MACROD2: variants seen among roughly 807,000 people sequenced by gnomAD.
MACROD2 encodes mono-ADP ribosylhydrolase 2, also known as ADP-ribose glycohydrolase MACROD2.
A neutral mutation model predicts 70.4 loss-of-function variants in MACROD2; 36 were observed. The ratio of observed to expected loss-of-function variants is 0.51; its 90% CI spans 0.39 to 0.68. The LOEUF (loss-of-function observed/expected upper bound fraction) is 0.68, where lower values mean the gene tolerates loss of function less well. MACROD2 is among the 30% of genes least tolerant of loss of function. The pLI is 0.00. For synonymous variants in MACROD2, 172 were observed against 178.8 expected (o/e 0.96, Z 0.30); for missense variants, 496 against 538.4 (o/e 0.92, Z 0.78).
At chr20:15,182,140 C>T (rs1196142529) in intron 5 of MACROD2, among the ~76,000 whole-genome samples, 1 of 152,160 alleles carries the variant, frequency 6.6e-6, no homozygotes, top group African/African-American at 2.4e-5. Context: ...TAAAACTCTG[C>T]ATCCAATTTT....
intron 6 of MACROD2, among the ~76,000 whole-genome samples, chr20:15,430,480 G>C (rs2046350725): frequency 6.6e-6 from 1 of 151,994 alleles, no homozygotes; most frequent in African/African-American, 2.4e-5. Flanking sequence ...ACCAGAAAGA[G>C]TAAAACAGCT....
At chr20:15,232,906 T>G (rs1014801897) in intron 6 of MACROD2, among the ~76,000 whole-genome samples, 1 of 152,128 alleles carries the variant, frequency 6.6e-6, no homozygotes, top group Non-Finnish European at 1.5e-5. Context: ...TTTTAATGGA[T>G]GTAAGACAAG....
chr20:15,937,666 TTCCAA>T lies in MACROD2; in HGVS notation c.907+124_907+128del, dbSNP rs1315792665. On this transcript the variant is annotated intron_variant, in intron 12 of 17. Transcript: ENST00000684519. ...ACTAGGTTTTCTTAAGTGTCTCTGT[TTCCAA>T]TATAATTGACTACACCACCTACTCT... 3.2e-5 allele frequency: 26 copies of T among 814,974 alleles called. No homozygotes were observed. The East Asian group carries it at 4.8e-4, about 15-fold the overall frequency. 50.5% of individuals were successfully genotyped at this position (814,974 alleles called of 1,614,324 possible).
At chr20:14,098,692 A>G (rs1392439081) in intron 3 of MACROD2, among the ~76,000 whole-genome samples, 1 of 152,206 alleles carries the variant, frequency 6.6e-6, no homozygotes, top group Non-Finnish European at 1.5e-5. Context: ...AATAAGGCAT[A>G]TTTGAAGTTA....
chr20:14,320,613 A>C (rs2082650168), intron 3 of MACROD2, among the ~76,000 whole-genome samples: 1 of 151,508 alleles, frequency 6.6e-6, no homozygotes, highest in Non-Finnish European at 1.5e-5. Context: ...GCCTTTATCC[A>C]AACACCTCCT....
chr20:15,590,236 G>A (rs1437731410), intron 8 of MACROD2, among the ~76,000 whole-genome samples: 1 of 152,162 alleles, frequency 6.6e-6, no homozygotes, highest in Non-Finnish European at 1.5e-5. Flanking sequence ...ACGCCAGGTA[G>A]CATGCTAGAC....
intron 5 of MACROD2, among the ~76,000 whole-genome samples, chr20:15,086,200 CAG>C (rs1184926782): frequency 1.3e-5 from 2 of 152,094 alleles, no homozygotes; most frequent in Non-Finnish European, 2.9e-5. Context: ...TACTACAAGA[CAG>C]AATACAGTAA....
intron 5 of MACROD2, among the ~76,000 whole-genome samples, chr20:14,790,046 C>G (rs559163185): frequency 1.1e-4 from 17 of 152,046 alleles, no homozygotes; most frequent in African/African-American, 2.9e-4. Flanking sequence ...TGCAAACAAA[C>G]CTAAACAACA....
chr20:15,495,341 A>G (rs763055586), intron 7 of MACROD2, among the ~76,000 whole-genome samples: 1 of 152,176 alleles, frequency 6.6e-6, no homozygotes, highest in Non-Finnish European at 1.5e-5. Context: ...ATCCATGTCC[A>G]CTGAAAGCAG....
At chr20:14,190,231 A>G (rs1011617140) in intron 3 of MACROD2, among the ~76,000 whole-genome samples, 8 of 152,132 alleles carry the variant, frequency 5.3e-5, no homozygotes, top group African/African-American at 1.9e-4. Flanking sequence ...AGTACTACTA[A>G]CTCTGTAACT....
At chr20:15,639,334 C>T (rs1265209032) in intron 8 of MACROD2, among the ~76,000 whole-genome samples, 1 of 152,206 alleles carries the variant, frequency 6.6e-6, no homozygotes, top group Non-Finnish European at 1.5e-5. Context: ...TCACGACCTG[C>T]ATCGCTTAGT....
chr20:15,140,492 T>TGTAG (rs1290740933), intron 5 of MACROD2, among the ~76,000 whole-genome samples: 1 of 152,176 alleles, frequency 6.6e-6, no homozygotes, highest in African/African-American at 2.4e-5. Flanking sequence ...TCTTGGATAA[T>TGTAG]GTAGTGCTTT....
At chr20:15,448,974 A>C (rs555666687) in intron 7 of MACROD2, among the ~76,000 whole-genome samples, 44 of 152,282 alleles carry the variant, frequency 2.9e-4, no homozygotes, top group Admixed American at 2.7e-3. Flanking sequence ...AACTCAGAGC[A>C]GATAATCAAA....
intron 3 of MACROD2, among the ~76,000 whole-genome samples, chr20:14,149,610 T>A (rs1240774875): frequency 6.6e-6 from 1 of 152,212 alleles, no homozygotes; most frequent in Non-Finnish European, 1.5e-5. Context: ...TAACAGTGTA[T>A]AAGTGTTCTA....
intron 8 of MACROD2, among the ~76,000 whole-genome samples, chr20:15,528,809 C>A (rs1381459592): frequency 6.6e-6 from 1 of 151,882 alleles, no homozygotes; most frequent in Non-Finnish European, 1.5e-5. Context: ...GCTTAGCTGC[C>A]ATCTTGAACT....
intron 5 of MACROD2, among the ~76,000 whole-genome samples, chr20:15,114,040 C>G (rs2075975107): frequency 6.6e-6 from 1 of 152,108 alleles, no homozygotes; most frequent in Non-Finnish European, 1.5e-5. Context: ...ACCTCCACCC[C>G]AAAGTCAGTG....
chr20:15,925,503 T>A (rs2065475235), intron 10 of MACROD2, among the ~76,000 whole-genome samples: 1 of 152,242 alleles, frequency 6.6e-6, no homozygotes, highest in Non-Finnish European at 1.5e-5. Flanking sequence ...ATGTGTGGTA[T>A]TGAAAATAGC....
At chr20:14,470,586 CT>C (rs1432579533) in intron 3 of MACROD2, among the ~76,000 whole-genome samples, 1 of 152,186 alleles carries the variant, frequency 6.6e-6, no homozygotes, top group East Asian at 1.9e-4. Context: ...AAACCCCTGA[CT>C]GGGGCTGCTG....
intron 4 of MACROD2, among the ~76,000 whole-genome samples, chr20:14,623,797 G>A (rs1983972275): frequency 6.6e-6 from 1 of 152,160 alleles, no homozygotes; most frequent in Admixed American, 6.6e-5. Context: ...ATGAGCATAA[G>A]TCTGGCCCCT....
Sources: allele counts gnomAD v4.1 joint callset (sites outside exome capture counted in the v4.1 genomes callset), GRCh38; gene constraint gnomAD v4.1.1; transcripts MANE v1.5; gene names NCBI Gene and HGNC (gene_info 2026-07-23, HGNC 2026-07-21).